C6orf89: variants seen among roughly 807,000 people sequenced by gnomAD.
C6orf89 encodes the protein bombesin receptor-activated protein C6orf89.
A neutral mutation model predicts 40.7 loss-of-function variants in C6orf89; 29 were observed. The ratio of observed to expected loss-of-function variants is 0.71; its 90% CI spans 0.53 to 0.97. The LOEUF (loss-of-function observed/expected upper bound fraction) is 0.97. Among genes scored for constraint, C6orf89 ranks in the 50% least tolerant of loss-of-function variants. C6orf89 has a pLI of 0.00. For missense variants in C6orf89, 392 were observed against 429.1 expected (o/e 0.91, Z 0.76); for synonymous variants, 165 against 152.2 (o/e 1.08, Z -0.62).
chr6:36,911,965 A>G (rs1181380879), intron 4 of C6orf89, among the ~76,000 whole-genome samples: 1 of 134,238 alleles, frequency 7.4e-6, no homozygotes, highest in African/African-American at 2.7e-5. Context: ...AAAAAAGGGC[A>G]AAACCAAAAT....
intron 4 of C6orf89, among the ~76,000 whole-genome samples, chr6:36,905,786 A>G (rs1012722977): frequency 6.6e-6 from 1 of 152,214 alleles, no homozygotes; most frequent in African/African-American, 2.4e-5. Context: ...TCTTAAAGCC[A>G]GAAAAGAATT....
In C6orf89 at chr6:36,924,746, C is replaced by T. The variant is rs1420511585; in HGVS notation, c.*1305C>T. 1 of 152,146 alleles carries T rather than the reference C, an allele frequency of 6.6e-6. No individual in the cohort carries two copies. Among genetic ancestry groups the T allele is most frequent in the Non-Finnish European group, 1.5e-5 (1 of 68,044 alleles). 9.4% of individuals were successfully genotyped at this position (152,146 alleles called of 1,614,324 possible). On this transcript the variant is annotated 3_prime_UTR_variant, in exon 9 of 9. Coordinates refer to ENST00000480824, the MANE Select transcript of C6orf89 (RefSeq NM_001286635.2). Reference sequence around the variant, plus strand: ...CAAGATGAAGAAAAAGCAAACTACACTTTGGCCTCTGGTTCTGAATTGCAG... The same window carrying T: ...CAAGATGAAGAAAAAGCAAACTACATTTTGGCCTCTGGTTCTGAATTGCAG...
intron 7 of C6orf89, among the ~76,000 whole-genome samples, chr6:36,917,794 A>G (rs953173608): frequency 7.0e-6 from 1 of 143,698 alleles, no homozygotes; most frequent in Non-Finnish European, 1.5e-5. Context: ...CATAAATATA[A>G]TTCTGGGACA....
chr6:36,909,238 T>C (rs1332090616), intron 4 of C6orf89, among the ~76,000 whole-genome samples: 1 of 150,938 alleles, frequency 6.6e-6, no homozygotes, highest in East Asian at 2.0e-4. Context: ...TATACACATA[T>C]CTTTATATAG....
At chr6:36,909,854 C>G (rs1339193427) in intron 4 of C6orf89, among the ~76,000 whole-genome samples, 1 of 151,218 alleles carries the variant, frequency 6.6e-6, no homozygotes, top group Non-Finnish European at 1.5e-5. Flanking sequence ...GATTATTTGT[C>G]TCGTATATGC....
chr6:36,911,879 T>C (rs1031363358), intron 4 of C6orf89, among the ~76,000 whole-genome samples: 1 of 151,846 alleles, frequency 6.6e-6, no homozygotes, highest in African/African-American at 2.4e-5. Context: ...TCCACCCCTT[T>C]TTTCCATTCC....
intron 1 of C6orf89, among the ~76,000 whole-genome samples, chr6:36,873,474 A>G (rs1774563378): frequency 1.3e-5 from 2 of 152,260 alleles, no homozygotes; most frequent in African/African-American, 4.8e-5. Context: ...AAAACATGAG[A>G]GAGGTTTATA....
chr6:36,916,665 T>G lies in C6orf89; in HGVS notation c.825+91T>G. ...ACCAAGGCCTTCCCTGCATATTGGC[T>G]TAGAGGGTTACAGGGTGAATTGAGG... On this transcript the variant is annotated intron_variant, in intron 7 of 8. Coordinates refer to ENST00000480824, the MANE Select transcript of C6orf89 (RefSeq NM_001286635.2). 2.0e-6 allele frequency: 3 copies of G among 1,510,198 alleles called. No individual in the cohort carries two copies. The South Asian group carries it at 3.5e-5, about 17-fold the overall frequency. 93.5% of individuals were successfully genotyped at this position (1,510,198 alleles called of 1,614,324 possible). A position where few individuals can be genotyped will look rare whatever the true frequency, so the allele number is the denominator to read the frequency against.
At chr6:36,899,831 CA>C (rs1220136285) in intron 3 of C6orf89, among the ~76,000 whole-genome samples, 198 bp downstream of exon 3, 1 of 152,196 alleles carries the variant, frequency 6.6e-6, no homozygotes, top group African/African-American at 2.4e-5. Flanking sequence ...TGCATATTTA[CA>C]GTTAAATTAT....
chr6:36,895,425 C>T (rs1371203722), intron 2 of C6orf89, among the ~76,000 whole-genome samples: 1 of 152,014 alleles, frequency 6.6e-6, no homozygotes, highest in Non-Finnish European at 1.5e-5. Context: ...AATGTGGGGT[C>T]GAAATGAGGC....
Position 36,916,432 on chromosome 6 carries a change from C to T in C6orf89, c.696-13C>T. 1 of 1,612,608 alleles carries T rather than the reference C, an allele frequency of 6.2e-7. No individual in the cohort carries two copies. Among genetic ancestry groups the T allele is most frequent in the Admixed American group, 1.7e-5 (1 of 59,628 alleles). On this transcript the variant is annotated splice_polypyrimidine_tract_variant and intron_variant, in intron 6 of 8. Coordinates refer to ENST00000480824, the MANE Select transcript of C6orf89 (RefSeq NM_001286635.2). ...CAGTTTAATTACTTTTTTTCTGTTT[C>T]ATACTTCTACAGGAGGAGACCTCTG...
intron 4 of C6orf89, among the ~76,000 whole-genome samples, chr6:36,912,171 C>G (rs1232855724): frequency 6.6e-6 from 1 of 152,070 alleles, no homozygotes; most frequent in Non-Finnish European, 1.5e-5. Context: ...GTTTCCTTAC[C>G]CAAACCCCCA....
intron 8 of C6orf89, among the ~76,000 whole-genome samples, chr6:36,920,953 A>G (rs774528684): frequency 9.3e-5 from 14 of 150,634 alleles, no homozygotes; most frequent in Non-Finnish European, 1.8e-4. Context: ...CAACCGGAAT[A>G]CCAATTACAG....
rs562122210 is a variant in C6orf89, at chr6:36,914,997, T to TG, written c.695+311dup. Among the ~76,000 whole-genome samples, 3 of 151,462 alleles carry TG rather than the reference T, an allele frequency of 2.0e-5. No individual in the cohort carries two copies. In the South Asian group the frequency reaches 6.3e-4, roughly 32 times the overall value. On this transcript the variant is annotated intron_variant, in intron 6 of 8. Coordinates refer to ENST00000480824, the MANE Select transcript of C6orf89 (RefSeq NM_001286635.2). Reference sequence around the variant, plus strand: ...AGAGTGAGACTGTGTCTCAAAAAAATGGGGGGGCTATGGGGGCACTTAGCG... The same window carrying TG: ...AGAGTGAGACTGTGTCTCAAAAAAATGGGGGGGGCTATGGGGGCACTTAGCG...
chr6:36,898,446 AT>A (rs1761533542), intron 2 of C6orf89, among the ~76,000 whole-genome samples: 1 of 151,648 alleles, frequency 6.6e-6, no homozygotes, highest in African/African-American at 2.4e-5. Flanking sequence ...TGCCAGGCTA[AT>A]TTAGTATTTT....
At chr6:36,916,181 T>C (rs1762313376) in intron 6 of C6orf89, among the ~76,000 whole-genome samples, 1 of 152,170 alleles carries the variant, frequency 6.6e-6, no homozygotes. Context: ...TTCCTTCCAA[T>C]ATATATTGTT....
At chr6:36,903,635 A>AT (rs1219758739) in intron 4 of C6orf89, among the ~76,000 whole-genome samples, 1 of 151,898 alleles carries the variant, frequency 6.6e-6, no homozygotes, top group African/African-American at 2.4e-5. Flanking sequence ...AATTTTTTGT[A>AT]TTTCTAGTAG....
At chr6:36,875,972 C>T (rs917134905) in intron 1 of C6orf89, among the ~76,000 whole-genome samples, 2 of 152,252 alleles carry the variant, frequency 1.3e-5, no homozygotes, top group African/African-American at 4.8e-5. Context: ...TCTTCTTGCA[C>T]AGTACAGAGC....
chr6:36,876,844 T>C (rs1213720646), intron 1 of C6orf89, among the ~76,000 whole-genome samples: 1 of 151,754 alleles, frequency 6.6e-6, no homozygotes, highest in Non-Finnish European at 1.5e-5. Context: ...ACAGCCTGGG[T>C]TGAGATCCAG....
Sources: allele counts gnomAD v4.1 joint callset (sites outside exome capture counted in the v4.1 genomes callset), GRCh38; gene constraint gnomAD v4.1.1; transcripts MANE v1.5; gene names NCBI Gene and HGNC (gene_info 2026-07-23, HGNC 2026-07-21).